The following JAKMIP2 variants were observed in gnomAD, a reference collection of about 807,000 sequenced individuals.
The protein encoded by JAKMIP2 is janus kinase and microtubule-interacting protein 2.
A neutral mutation model predicts 115.0 loss-of-function variants in JAKMIP2; 25 were observed. The observed-to-expected ratio is 0.22, with a 90% CI of 0.16 to 0.30. The LOEUF (loss-of-function observed/expected upper bound fraction) is 0.30. Among genes scored for constraint, JAKMIP2 ranks in the 10% least tolerant of loss-of-function variants. The pLI is 1.00. For synonymous variants in JAKMIP2, 334 were observed against 343.6 expected, an observed-to-expected ratio of 0.97 and a Z score of 0.31; for missense variants, 642 against 957.6, an observed-to-expected ratio of 0.67 and a Z score of 4.35.
intron 1 of JAKMIP2, among the ~76,000 whole-genome samples, chr5:147,698,462 G>T (rs1752193677): frequency 6.6e-6 from 1 of 152,056 alleles, no homozygotes; most frequent in Non-Finnish European, 1.5e-5. Flanking sequence ...GAGGGATGGG[G>T]GTAGAATGAT....
intron 10 of JAKMIP2, among the ~76,000 whole-genome samples, chr5:147,637,903 C>T (rs182373535): frequency 6.6e-6 from 1 of 151,994 alleles, no homozygotes; most frequent in African/African-American, 2.4e-5. Flanking sequence ...GCCTGTAAAC[C>T]CATTTTTTTG....
At chr5:147,754,445 A>G (rs957455265) in intron 1 of JAKMIP2, among the ~76,000 whole-genome samples, 2 of 152,248 alleles carry the variant, frequency 1.3e-5, no homozygotes, top group African/African-American at 2.4e-5. Flanking sequence ...AGGATTACAA[A>G]ATACCCTGGG....
intron 1 of JAKMIP2, among the ~76,000 whole-genome samples, chr5:147,733,642 G>T (rs1430522397): frequency 6.6e-6 from 1 of 152,022 alleles, no homozygotes; most frequent in Non-Finnish European, 1.5e-5. Flanking sequence ...AGGCCCCGGT[G>T]CGTGATGTCC....
Position 147,782,569 on chromosome 5 carries a change from GTT to G in JAKMIP2, c.-264_-263del. 2 of 1,039,578 alleles carry G rather than the reference GTT, an allele frequency of 1.9e-6. No homozygotes were observed. Among genetic ancestry groups the G allele is most frequent in the Non-Finnish European group, 2.8e-6 (2 of 722,328 alleles). 64.4% of individuals were successfully genotyped at this position (1,039,578 alleles called of 1,614,324 possible). A position where few individuals can be genotyped will look rare whatever the true frequency, so the allele number is the denominator to read the frequency against. ...AACCCAACATCAGCAGTGGCTGCCG[GTT>G]TTTTTTTTCCCTCTGTCTCTGGTTG... is the stretch of plus-strand genomic sequence containing the variant. On this transcript the variant is annotated 5_prime_UTR_variant, in exon 1 of 22. Transcript: ENST00000616793.
chr5:147,669,956 C>T (rs1457825719), intron 2 of JAKMIP2, among the ~76,000 whole-genome samples: 1 of 152,106 alleles, frequency 6.6e-6, no homozygotes, highest in Non-Finnish European at 1.5e-5. Flanking sequence ...TTGACAAGCA[C>T]AAATATGGAG....
chr5:147,623,615 A>G lies in JAKMIP2; in HGVS notation c.2064+6T>C, dbSNP rs371407901. 21 of 1,581,848 alleles carry G rather than the reference A, an allele frequency of 1.3e-5. No homozygotes were observed. The highest frequency in any genetic ancestry group is 1.8e-5 in the Non-Finnish European group (21 of 1,150,844). On this transcript the variant is annotated splice_donor_region_variant and intron_variant, in intron 17 of 21. Transcript: ENST00000616793. ...TAATTTTTACAATATCTCATCTTGT[A>G]CTTACCATGTCACTTTCCAATTCCA...
At chr5:147,776,323 TTGAG>T (rs1561588947) in intron 1 of JAKMIP2, among the ~76,000 whole-genome samples, 1 of 152,120 alleles carries the variant, frequency 6.6e-6, no homozygotes. Context: ...TGTCATGGTA[TTGAG>T]TAAGTTCTCA....
intron 20 of JAKMIP2, among the ~76,000 whole-genome samples, chr5:147,602,175 A>T (rs1039477342): frequency 6.6e-6 from 1 of 152,214 alleles, no homozygotes; most frequent in Non-Finnish European, 1.5e-5. Context: ...TTTATTATAT[A>T]TCACTGTCTC....
chr5:147,593,860 A>T (rs1006919822), intron 21 of JAKMIP2, among the ~76,000 whole-genome samples: 3 of 152,350 alleles, frequency 2.0e-5, no homozygotes, highest in African/African-American at 7.2e-5. Flanking sequence ...ATCTGAATGT[A>T]TATAAAAAAT....
At chr5:147,765,156 G>A (rs1038581931) in intron 1 of JAKMIP2, among the ~76,000 whole-genome samples, 3 of 151,856 alleles carry the variant, frequency 2.0e-5, no homozygotes, top group African/African-American at 4.8e-5. Context: ...ATTACGGTAT[G>A]AGCATGTACT....
At chr5:147,701,382 A>G (rs1421965296) in intron 1 of JAKMIP2, among the ~76,000 whole-genome samples, 1 of 152,154 alleles carries the variant, frequency 6.6e-6, no homozygotes, top group Non-Finnish European at 1.5e-5. Context: ...GAAGGAAGGA[A>G]TCTTCTTGTG....
intron 1 of JAKMIP2, among the ~76,000 whole-genome samples, chr5:147,716,925 C>T (rs1264196541): frequency 2.1e-5 from 3 of 144,228 alleles, no homozygotes; most frequent in Admixed American, 1.4e-4. Context: ...TTGCCCATGC[C>T]TATGTCCTGA....
At chr5:147,738,101 G>A (rs896508167) in intron 1 of JAKMIP2, among the ~76,000 whole-genome samples, 7 of 152,132 alleles carry the variant, frequency 4.6e-5, no homozygotes, top group Admixed American at 2.0e-4. Flanking sequence ...GCCATAAAAA[G>A]GGTTTTTATT....
chr5:147,688,263 T>C (rs1426691617), intron 1 of JAKMIP2, among the ~76,000 whole-genome samples: 3 of 152,202 alleles, frequency 2.0e-5, no homozygotes, highest in Non-Finnish European at 4.4e-5. Context: ...ATTAATCGCT[T>C]AGGGCTTTTC....
chr5:147,638,065 T>G (rs1440293699), intron 10 of JAKMIP2, among the ~76,000 whole-genome samples: 1 of 152,214 alleles, frequency 6.6e-6, no homozygotes, highest in Admixed American at 6.5e-5. Context: ...TTAATTTTGC[T>G]AAGATTTATT....
chr5:147,585,900 AT>A lies in JAKMIP2; in HGVS notation c.*5806del, dbSNP rs1426736772. The A allele has an allele frequency of 6.6e-6, 1 of 152,134 alleles. No homozygotes were observed. The highest frequency in any genetic ancestry group is 2.4e-5 in the African/African-American group (1 of 41,450). 9.4% of individuals were successfully genotyped at this position (152,134 alleles called of 1,614,324 possible). ...CCTGTTGAGATGGAATTTTTAGCTA[AT>A]AAAGATATGGGACTTTTGGCTAATT... On this transcript the variant is annotated 3_prime_UTR_variant, in exon 22 of 22. Coordinates refer to ENST00000616793, the MANE Select transcript of JAKMIP2 (RefSeq NM_001270941.2).
At chr5:147,771,041 G>A (rs11739071) in intron 1 of JAKMIP2, among the ~76,000 whole-genome samples, 4 of 152,086 alleles carry the variant, frequency 2.6e-5, no homozygotes, top group South Asian at 2.1e-4. Context: ...TAAGCAGAGC[G>A]TTGCTGTCCT....
intron 17 of JAKMIP2, among the ~76,000 whole-genome samples, chr5:147,623,099 G>A (rs1243972865): frequency 3.3e-5 from 5 of 152,054 alleles, no homozygotes; most frequent in East Asian, 3.9e-4. Flanking sequence ...ATTTTTTGTA[G>A]AGATGGGTTC....
intron 1 of JAKMIP2, among the ~76,000 whole-genome samples, chr5:147,753,858 G>A (rs868784928): frequency 6.6e-6 from 1 of 150,734 alleles, no homozygotes; most frequent in South Asian, 2.1e-4. Flanking sequence ...ATAGCTAAAG[G>A]TTCCACTAGG....
Sources: gnomAD v4.1 joint callset for allele counts (sites outside exome capture counted in the v4.1 genomes callset) on GRCh38, gnomAD v4.1.1 for gene constraint, MANE v1.5 for transcripts, NCBI Gene and HGNC (gene_info 2026-07-23, HGNC 2026-07-21) for gene names.